Variants in MAPT observed in about 807,000 individuals in gnomAD.
MAPT encodes microtubule-associated protein tau.
MAPT carries 34 observed loss-of-function variants against 67.9 expected under a neutral mutation model. That is an observed-to-expected ratio of 0.50 (90% CI 0.38 to 0.67). The LOEUF (loss-of-function observed/expected upper bound fraction) is 0.67. Among genes scored for constraint, MAPT ranks in the 30% least tolerant of loss-of-function variants. The probability of loss-of-function intolerance (pLI) is 0.00; values close to 1 mark genes in which losing one functional copy is unlikely to be tolerated. For missense variants in MAPT, 881 were observed against 1,115.2 expected (o/e 0.79, Z 2.99); for synonymous variants, 456 against 464.5 (o/e 0.98, Z 0.23).
chr17:45,947,340 C>T (rs1352632951), intron 1 of MAPT, among the ~76,000 whole-genome samples: 2 of 151,516 alleles, frequency 1.3e-5, no homozygotes, highest in Non-Finnish European at 2.9e-5. Context: ...CAAGATCCAG[C>T]GTCACAAGGG....
At chr17:45,945,507 G>A (rs2068392706) in intron 1 of MAPT, among the ~76,000 whole-genome samples, 1 of 152,158 alleles carries the variant, frequency 6.6e-6, no homozygotes, top group Admixed American at 6.5e-5. Flanking sequence ...CCCATTGGAG[G>A]TCAACCAAAA....
rs2076861176 is a variant in MAPT at position 46,027,513 on chromosome 17, CCT to C, written c.*3343_*3344del. ...ATTGACTTCAGTGGTGAGACTGTAT[CCT>C]GTTTGCTATTGCTTGTTGTGCTATG... On this transcript the variant is annotated 3_prime_UTR_variant, in exon 13 of 13. Coordinates refer to ENST00000262410, the MANE Select transcript of MAPT (RefSeq NM_001377265.1). 2 of 152,286 alleles carry C rather than the reference CCT, an allele frequency of 1.3e-5. 1 individual carries two copies. The highest frequency in any genetic ancestry group is 4.1e-4 in the South Asian group (2 of 4,824). The allele number at this position is 152,286 out of a possible 1,614,324, so 9.4% of individuals were successfully genotyped here. A position where few individuals can be genotyped will look rare whatever the true frequency, so the allele number is the denominator to read the frequency against.
chr17:45,985,812 C>A (rs1360404498), intron 5 of MAPT: 7 of 739,802 alleles, frequency 9.5e-6, no homozygotes, highest in Non-Finnish European at 1.2e-5. Context: ...GGCTTACAGA[C>A]CCAGTTGTGG....
chr17:46,004,760 A>G (rs2075289861), intron 9 of MAPT, among the ~76,000 whole-genome samples: 1 of 151,988 alleles, frequency 6.6e-6, no homozygotes, highest in Admixed American at 6.6e-5. Flanking sequence ...AGCCACATGG[A>G]AAAAAAATTT....
chr17:45,935,369 A>G lies in MAPT; in HGVS notation c.-17-26952A>G, dbSNP rs145500200. Among the ~76,000 whole-genome samples, 470 of 152,050 alleles carry G rather than the reference A, an allele frequency of 3.1e-3. 3 individuals are homozygous for G. The highest frequency in any genetic ancestry group is 0.01 in the East Asian group (52 of 5,148). Reference sequence around the variant, plus strand: ...GGCCTCTTCGCAGCTTCATTACATAACCTTCCGTGGACTCCTGGTCCAAGG... The same window carrying G: ...GGCCTCTTCGCAGCTTCATTACATAGCCTTCCGTGGACTCCTGGTCCAAGG... On this transcript the variant is annotated intron_variant, in intron 1 of 12. Coordinates refer to ENST00000262410, the MANE Select transcript of MAPT (RefSeq NM_001377265.1).
chr17:45,984,142 G>A (rs1451969749), intron 5 of MAPT, among the ~76,000 whole-genome samples: 2 of 152,150 alleles, frequency 1.3e-5, no homozygotes, highest in African/African-American at 2.4e-5. Flanking sequence ...ACGCTTGCCC[G>A]CCACTCTGCA....
chr17:45,898,532 A>G (rs1279548621), intron 1 of MAPT: 1 of 152,122 alleles, frequency 6.6e-6, no homozygotes, highest in Non-Finnish European at 1.5e-5. Flanking sequence ...CCTTTTTAAC[A>G]TCTGTTGTTA....
intron 8 of MAPT, among the ~76,000 whole-genome samples, chr17:45,993,202 G>A (rs1211746817): frequency 6.6e-6 from 1 of 152,204 alleles, no homozygotes; most frequent in Non-Finnish European, 1.5e-5. Context: ...GGCATTTCTC[G>A]CACACATGCC....
At chr17:45,923,045 C>T (rs1034538337) in intron 1 of MAPT, among the ~76,000 whole-genome samples, 92 of 152,176 alleles carry the variant, frequency 6.0e-4, no homozygotes, top group Admixed American at 6.0e-3. Flanking sequence ...AGCCAAGCCC[C>T]TTAACCTCTT....
At chr17:45,993,106 G>A (rs1341010437) in intron 8 of MAPT, among the ~76,000 whole-genome samples, 1 of 152,124 alleles carries the variant, frequency 6.6e-6, no homozygotes, top group Non-Finnish European at 1.5e-5. Flanking sequence ...GCCTGGCCTG[G>A]ATCTTGGATC....
intron 12 of MAPT, among the ~76,000 whole-genome samples, chr17:46,021,066 G>A (rs2076497926): frequency 6.6e-6 from 1 of 152,178 alleles, no homozygotes; most frequent in Non-Finnish European, 1.5e-5. Flanking sequence ...GAACAGATGG[G>A]CACCCTCATC....
chr17:45,948,470 G>A (rs1230047684), intron 1 of MAPT, among the ~76,000 whole-genome samples: 1 of 152,184 alleles, frequency 6.6e-6, no homozygotes, highest in Non-Finnish European at 1.5e-5. Context: ...AAGCATTCAA[G>A]AACAAACTGT....
intron 9 of MAPT, among the ~76,000 whole-genome samples, chr17:46,009,896 G>A (rs2075706013): frequency 6.6e-6 from 1 of 152,224 alleles, no homozygotes; most frequent in Non-Finnish European, 1.5e-5. Flanking sequence ...CTAGCCAGGT[G>A]TGAGTGGAGA....
chr17:45,970,162 A>G (rs1443067962), intron 2 of MAPT, among the ~76,000 whole-genome samples: 1 of 152,202 alleles, frequency 6.6e-6, no homozygotes. Flanking sequence ...CCAGTTATAC[A>G]TTCATACATG....
At chr17:45,933,473 C>A (rs1421797309) in intron 1 of MAPT, among the ~76,000 whole-genome samples, 1 of 152,158 alleles carries the variant, frequency 6.6e-6, no homozygotes, top group African/African-American at 2.4e-5. Flanking sequence ...CTCCTGGCCT[C>A]AAGCGATCTG....
At chr17:45,922,083 G>A (rs964975031) in intron 1 of MAPT, among the ~76,000 whole-genome samples, 10 of 151,724 alleles carry the variant, frequency 6.6e-5, no homozygotes, top group African/African-American at 2.4e-4. Context: ...GCCGTGGAGC[G>A]ATCACTGCAA....
At chr17:45,961,495 G>C (rs142458910) in intron 1 of MAPT, among the ~76,000 whole-genome samples, 1 of 152,194 alleles carries the variant, frequency 6.6e-6, no homozygotes, top group African/African-American at 2.4e-5. Context: ...CAGCAAACTC[G>C]GAGCTGGAGG....
In MAPT at chr17:46,010,453, G is replaced by A; in HGVS notation, c.2091+51G>A. Reference sequence around the variant, plus strand: ...GCCGTGCTGTGGCTTGAATTATTAGGAAGTGGTGTGAGTGCGTACACTTGC... The same window carrying A: ...GCCGTGCTGTGGCTTGAATTATTAGAAAGTGGTGTGAGTGCGTACACTTGC... On this transcript the variant is annotated intron_variant, in intron 10 of 12. Coordinates refer to ENST00000262410, the MANE Select transcript of MAPT (RefSeq NM_001377265.1). This position sits in a 1 kb window ranked among gnomAD's most constrained non-coding sequence, Gnocchi z 4.7. The A allele has an allele frequency of 7.7e-7, 1 of 1,301,320 alleles. No individual in the cohort carries two copies. The highest frequency in any genetic ancestry group is 1.1e-6 in the Non-Finnish European group (1 of 918,094). The allele number at this position is 1,301,320 out of a possible 1,614,324, so 80.6% of individuals were successfully genotyped here.
At chr17:46,015,378 A>G (rs112402370) in intron 11 of MAPT, among the ~76,000 whole-genome samples, 21,647 of 151,564 alleles carry the variant, frequency 0.14, 2,086 homozygotes, top group Non-Finnish European at 0.22. Context: ...ATAAAAATAC[A>G]GCTGGGCACG....
Sources: allele counts gnomAD v4.1 joint callset (sites outside exome capture counted in the v4.1 genomes callset), GRCh38; gene constraint gnomAD v4.1.1; non-coding constraint Gnocchi (gnomAD v3.1); transcripts MANE v1.5; gene names NCBI Gene and HGNC (gene_info 2026-07-23, HGNC 2026-07-21).